PELI2: variants seen among roughly 807,000 people sequenced by gnomAD.
PELI2 encodes pellino E3 ubiquitin protein ligase family member 2.
PELI2 carries 23 observed loss-of-function variants against 42.3 expected under a neutral mutation model. The observed-to-expected ratio is 0.54, with a 90% CI of 0.39 to 0.77. The LOEUF (loss-of-function observed/expected upper bound fraction) is 0.77. Among genes scored for constraint, PELI2 ranks in the 30% least tolerant of loss-of-function variants. The pLI, the probability that PELI2 is intolerant of heterozygous loss-of-function variation, is 0.00. For missense variants in PELI2, 463 were observed against 553.2 expected (o/e 0.84, Z 1.64); for synonymous variants, 245 against 212.2 (o/e 1.15, Z -1.34).
intron 2 of PELI2, among the ~76,000 whole-genome samples, chr14:56,263,930 A>AT (rs1566672393): frequency 6.6e-6 from 1 of 152,180 alleles, no homozygotes; most frequent in Non-Finnish European, 1.5e-5. Context: ...AATTGAAAAA[A>AT]TTTTTTAAAA....
rs1309123412 is a variant in PELI2, at chr14:56,198,000, ACACACACACACACC to A, written c.207+19540_207+19553del. ...CACACACACACACACACACACACAC[ACACACACACACACC>A]CACCTCTTTGGTCCACTTCTCTAGA... is the stretch of plus-strand genomic sequence containing the variant. On this transcript the variant is annotated intron_variant, in intron 2 of 5. Coordinates refer to ENST00000267460, the MANE Select transcript of PELI2 (RefSeq NM_021255.3). This position sits in a 1 kb window ranked among gnomAD's most constrained non-coding sequence, Gnocchi z 4.9. 3.2e-3 allele frequency among the ~76,000 whole-genome samples: 467 copies of A among 148,244 alleles called. 1 individual carries two copies. The highest frequency in any genetic ancestry group is 0.017 in the Middle Eastern group (5 of 292).
chr14:56,137,984 G>C (rs1433444214), intron 1 of PELI2, among the ~76,000 whole-genome samples: 1 of 152,152 alleles, frequency 6.6e-6, no homozygotes, highest in Non-Finnish European at 1.5e-5. Context: ...ATTTCCCTTG[G>C]GCTGTCTTGT....
At chr14:56,276,936 C>G (rs557140486) in intron 2 of PELI2, among the ~76,000 whole-genome samples, 7 of 152,302 alleles carry the variant, frequency 4.6e-5, no homozygotes, top group African/African-American at 9.6e-5. Flanking sequence ...GGTAAGACTC[C>G]CCTTTGCTGT....
chr14:56,256,926 T>C (rs1004901317), intron 2 of PELI2, among the ~76,000 whole-genome samples: 5 of 152,228 alleles, frequency 3.3e-5, no homozygotes, highest in African/African-American at 1.2e-4. Flanking sequence ...GCTGTCTAAC[T>C]AGCTAGGTAG....
At chr14:56,233,760 C>T (rs1178304450) in intron 2 of PELI2, among the ~76,000 whole-genome samples, 1 of 152,158 alleles carries the variant, frequency 6.6e-6, no homozygotes, top group Non-Finnish European at 1.5e-5. Flanking sequence ...CAAATGGGAT[C>T]TAATTAAACT....
At position 56,140,965 on chromosome 14, in the gene PELI2, T is replaced by C. The variant is rs529901603; in HGVS notation, c.77+22228T>C. The stretch of plus-strand genomic sequence containing the variant: ...AGCAGCTGAACATTGATTTCTATCC[T>C]TTTTCCCCTCGTACTCTATTGTTTA... On this transcript the variant is annotated intron_variant, in intron 1 of 5. Transcript: ENST00000267460. Among the ~76,000 whole-genome samples, 100 of 152,272 alleles carry C rather than the reference T, an allele frequency of 6.6e-4. 3 individuals carry two copies. The South Asian group carries it at 0.02, about 31-fold the overall frequency.
chr14:56,213,327 C>T (rs1300079333), intron 2 of PELI2, among the ~76,000 whole-genome samples: 1 of 152,130 alleles, frequency 6.6e-6, no homozygotes, highest in East Asian at 1.9e-4. Flanking sequence ...ACTTTTTGGG[C>T]CCAGGCAGAA....
At chr14:56,181,840 ATGTGTGTGTGTGTG>A (rs3042510) in intron 2 of PELI2, among the ~76,000 whole-genome samples, 7 of 148,350 alleles carry the variant, frequency 4.7e-5, no homozygotes, top group South Asian at 2.2e-4. Flanking sequence ...TGATTATGTA[ATGTGTGTGTGTGTG>A]TGTGTGTGTG....
At chr14:56,277,277 A>C (rs1005006044) in intron 2 of PELI2, among the ~76,000 whole-genome samples, 1 of 152,042 alleles carries the variant, frequency 6.6e-6, no homozygotes, top group Non-Finnish European at 1.5e-5. Flanking sequence ...TTACGGGTTG[A>C]ACTCCGCCTC....
At chr14:56,129,234 T>G (rs572130946) in intron 1 of PELI2, among the ~76,000 whole-genome samples, 1 of 152,234 alleles carries the variant, frequency 6.6e-6, no homozygotes, top group Non-Finnish European at 1.5e-5. Flanking sequence ...GGACCCAGTC[T>G]TGCTTGAAAT....
intron 2 of PELI2, among the ~76,000 whole-genome samples, chr14:56,260,511 T>C (rs1594693365): frequency 6.6e-6 from 1 of 152,224 alleles, no homozygotes; most frequent in Non-Finnish European, 1.5e-5. Context: ...GAAGGAACTG[T>C]TTGGGGTGAC....
intron 2 of PELI2, among the ~76,000 whole-genome samples, chr14:56,244,664 G>T (rs1888088668): frequency 6.6e-6 from 1 of 152,096 alleles, no homozygotes; most frequent in Admixed American, 6.6e-5. Flanking sequence ...CACTGAATGT[G>T]TATTTTCCAC....
At chr14:56,250,096 T>G (rs1373580376) in intron 2 of PELI2, among the ~76,000 whole-genome samples, 2 of 152,182 alleles carry the variant, frequency 1.3e-5, no homozygotes, top group Non-Finnish European at 2.9e-5. Context: ...CCTCTCCCTC[T>G]GGTAATGCCA....
At chr14:56,147,754 A>T (rs1884184745) in intron 1 of PELI2, among the ~76,000 whole-genome samples, 2 of 152,162 alleles carry the variant, frequency 1.3e-5, no homozygotes, top group Admixed American at 1.3e-4. Context: ...AAGTTAGGGG[A>T]GAGCTATAAA....
At chr14:56,266,239 A>G (rs984984103) in intron 2 of PELI2, among the ~76,000 whole-genome samples, 1 of 152,054 alleles carries the variant, frequency 6.6e-6, no homozygotes, top group African/African-American at 2.4e-5. Context: ...TCCAAAAATC[A>G]TAAAGCAAAT....
chr14:56,206,703 C>G (rs543578722), intron 2 of PELI2, among the ~76,000 whole-genome samples: 39 of 152,138 alleles, frequency 2.6e-4, no homozygotes, highest in African/African-American at 9.2e-4. Context: ...CCTCCTTGAT[C>G]GTTTTTTTTG....
At chr14:56,153,751 T>C (rs1328801610) in intron 1 of PELI2, among the ~76,000 whole-genome samples, 2 of 152,218 alleles carry the variant, frequency 1.3e-5, no homozygotes, top group Admixed American at 1.3e-4. Flanking sequence ...CTGTTTTGTA[T>C]ATTTAAAATG....
At chr14:56,137,070 A>G (rs1181185274) in intron 1 of PELI2, among the ~76,000 whole-genome samples, 1 of 152,138 alleles carries the variant, frequency 6.6e-6, no homozygotes, top group African/African-American at 2.4e-5. Context: ...ATGAGTTTTC[A>G]CCTACCCAGT....
chr14:56,264,295 C>G (rs1888822589), intron 2 of PELI2, among the ~76,000 whole-genome samples: 1 of 152,088 alleles, frequency 6.6e-6, no homozygotes, highest in African/African-American at 2.4e-5. Flanking sequence ...TTGAAGTGTT[C>G]CCCAGTATTC....
Sources: gnomAD v4.1 joint callset for allele counts (sites outside exome capture counted in the v4.1 genomes callset) on GRCh38, gnomAD v4.1.1 for gene constraint, Gnocchi (gnomAD v3.1) non-coding constraint, MANE v1.5 for transcripts, NCBI Gene and HGNC (gene_info 2026-07-23, HGNC 2026-07-21) for gene names.